The following PPP6R2 variants were observed in gnomAD, a reference collection of about 807,000 sequenced individuals.
PPP6R2 encodes the protein serine/threonine-protein phosphatase 6 regulatory subunit 2.
Under a neutral mutation model 100.2 loss-of-function variants are expected in PPP6R2, and 62 were observed. That is an observed-to-expected ratio of 0.62 (90% CI 0.50 to 0.76). PPP6R2 has a LOEUF of 0.76. Ranked by LOEUF, PPP6R2 falls within the 30% of genes least tolerant of loss-of-function variation. The pLI is 0.00. For missense variants in PPP6R2, 1,142 were observed against 1,276.3 expected (o/e 0.89, Z 1.60); for synonymous variants, 525 against 514.7 (o/e 1.02, Z -0.27).
intron 10 of PPP6R2, among the ~76,000 whole-genome samples, chr22:50,424,299 C>T (rs562260573): frequency 2.9e-4 from 44 of 151,116 alleles, no homozygotes; most frequent in Non-Finnish European, 4.9e-4. Context: ...GAACTGGGCT[C>T]GAAGTGCTGT....
chr22:50,429,185 C>G (rs1603378775), intron 10 of PPP6R2, among the ~76,000 whole-genome samples: 1 of 152,284 alleles, frequency 6.6e-6, no homozygotes, highest in South Asian at 2.1e-4. Flanking sequence ...CGTGTGCCAC[C>G]ATGCCCGGCT....
At chr22:50,341,844 T>C, upstream of PPP6R2, among the ~76,000 whole-genome samples, 1 of 151,842 alleles carries the variant, frequency 6.6e-6, no homozygotes, top group East Asian at 1.9e-4. Flanking sequence ...AATACAAAAA[T>C]TAGCCGGGCG....
intron 5 of PPP6R2, 78 bp downstream of exon 5, chr22:50,414,767 A>G (rs1246991128): frequency 8.6e-6 from 13 of 1,506,810 alleles, no homozygotes; most frequent in African/African-American, 4.2e-5. Flanking sequence ...AGGAGCTCAG[A>G]GCACCAGGGC....
chr22:50,437,484 T>TCCCCCCCCC, intron 15 of PPP6R2, 22 bp from the exon 16 acceptor site: 62 of 542,068 alleles, frequency 1.1e-4, no homozygotes, highest in South Asian at 1.9e-4. Flanking sequence ...TGTCCGTCCC[T>TCCCCCCCCC]CCCTCCCTCC....
At chr22:50,438,040 T>C in intron 17 of PPP6R2, 134 bp from the exon 18 acceptor site, 1 of 1,492,438 alleles carries the variant, frequency 6.7e-7, no homozygotes, top group Non-Finnish European at 9.1e-7. Flanking sequence ...TCGCTTTCCT[T>C]GCCCCTCCCC....
In PPP6R2 at chr22:50,431,096, G is replaced by A; in HGVS notation, c.1126-77G>A. 8.0e-7 allele frequency: 1 copy of A among 1,246,126 alleles called. No homozygotes were observed. Among genetic ancestry groups the A allele is most frequent in the Non-Finnish European group, 1.1e-6 (1 of 871,474 alleles). The allele number at this position is 1,246,126 out of a possible 1,614,324, so 77.2% of individuals were successfully genotyped here. On this transcript the variant is annotated intron_variant, in intron 10 of 23. Transcript: ENST00000612753. The surrounding 1 kb of genome is among the most constrained non-coding windows in gnomAD (Gnocchi z 4.8). The stretch of plus-strand genomic sequence containing the variant: ...GAGTTAGGACGCCACCTTTAGGAAG[G>A]GTTTCCCTCAGCTTTGTGGTGTAGC...
At chr22:50,440,188 G>T in intron 21 of PPP6R2, 139 bp downstream of exon 21, 1 of 807,618 alleles carries the variant, frequency 1.2e-6, no homozygotes, top group Non-Finnish European at 1.9e-6. Flanking sequence ...ATTGGGGTTT[G>T]ATACAGCAAT....
chr22:50,385,940 C>CA (rs2054158188), intron 2 of PPP6R2, among the ~76,000 whole-genome samples: 1 of 149,170 alleles, frequency 6.7e-6, no homozygotes, highest in African/African-American at 2.5e-5. Context: ...TCTCCTGCCT[C>CA]AGCCTCCCGA....
At chr22:50,438,965 C>T (rs1013354402) in intron 19 of PPP6R2, among the ~76,000 whole-genome samples, 3 of 152,214 alleles carry the variant, frequency 2.0e-5, no homozygotes, top group African/African-American at 7.2e-5. Flanking sequence ...CCTCCTGCCC[C>T]TGCCTTGCAG....
intron 1 of PPP6R2, among the ~76,000 whole-genome samples, chr22:50,362,141 C>T (rs530891341): frequency 6.6e-6 from 1 of 152,292 alleles, no homozygotes; most frequent in African/African-American, 2.4e-5. Flanking sequence ...GGGGAGGAGT[C>T]GGGGCTAGGG....
At chr22:50,432,737 A>G (rs2148143982) in intron 12 of PPP6R2, among the ~76,000 whole-genome samples, 2 of 152,284 alleles carry the variant, frequency 1.3e-5, no homozygotes, top group African/African-American at 4.8e-5. Flanking sequence ...TCTGGTCAGG[A>G]CACATGTCCC....
intron 10 of PPP6R2, among the ~76,000 whole-genome samples, chr22:50,429,865 G>A (rs889593438): frequency 6.6e-6 from 1 of 152,198 alleles, no homozygotes; most frequent in Admixed American, 6.5e-5. Context: ...AGGTCACATG[G>A]GCAGAGAAGG....
Position 50,383,520 on chromosome 22 carries a change from C to T in PPP6R2, c.-16-10373C>T, listed in dbSNP as rs893834185. Among the ~76,000 whole-genome samples, 14 of 152,238 alleles carry T rather than the reference C, an allele frequency of 9.2e-5. No individual in the cohort carries two copies. In the East Asian group the frequency reaches 2.1e-3, roughly 23 times the overall value. On this transcript the variant is annotated intron_variant, in intron 2 of 23. Coordinates refer to ENST00000612753, the MANE Select transcript of PPP6R2 (RefSeq NM_001242898.2). ...TTGGTAGGCGGTGGCCAGGAAGGAACGCCAGGTAGCATTAAGCCTTGGCCC... is the reference window on the plus strand; with the variant it reads ...TTGGTAGGCGGTGGCCAGGAAGGAATGCCAGGTAGCATTAAGCCTTGGCCC...
chr22:50,338,142 GTGTGTGTGGTA>G, the PPP6R2 span, among the ~76,000 whole-genome samples: 6 of 144,364 alleles, frequency 4.2e-5, no homozygotes, highest in African/African-American at 7.7e-5. Context: ...TGTGTATGTA[GTGTGTGTGGTA>G]TGTGTGTGCG....
chr22:50,390,830 C>G (rs2055337224), intron 2 of PPP6R2, among the ~76,000 whole-genome samples: 1 of 151,048 alleles, frequency 6.6e-6, no homozygotes, highest in African/African-American at 2.4e-5. Flanking sequence ...AAAACCCCAT[C>G]TCTACTAAAA....
chr22:50,439,399 A>T (rs1262096643), intron 19 of PPP6R2, among the ~76,000 whole-genome samples: 1 of 152,072 alleles, frequency 6.6e-6, no homozygotes, highest in Non-Finnish European at 1.5e-5. Flanking sequence ...CCTGGGTAGG[A>T]CAGGGCAGTG....
At chr22:50,369,810 A>G (rs942523994) in intron 1 of PPP6R2, among the ~76,000 whole-genome samples, 4 of 148,368 alleles carry the variant, frequency 2.7e-5, no homozygotes, top group Non-Finnish European at 5.9e-5. Flanking sequence ...CTGACCTTTC[A>G]CTGCAGCCTC....
rs370674634 is a variant in PPP6R2, at chr22:50,444,201, A to C, written c.2834A>C (p.Lys945Thr). 1 of 1,612,874 alleles carries C rather than the reference A, an allele frequency of 6.2e-7. No homozygotes were observed. The highest frequency in any genetic ancestry group is 8.5e-7 in the Non-Finnish European group (1 of 1,179,816). ...ATLGTVTKDG[K>T]TDAPPEGAAL... Reference sequence around the variant, plus strand: ...CCAACCCCACCCCATTCCTGCAGGAAGACAGATGCCCCGCCAGAAGGAGCT... The same window carrying C: ...CCAACCCCACCCCATTCCTGCAGGACGACAGATGCCCCGCCAGAAGGAGCT... Residue 945 changes from lysine to threonine, a missense_variant and splice_region_variant, in exon 24 of 24, where the codon AAG (lysine) becomes ACG (threonine). Lys to Thr is a moderately conservative substitution (Grantham distance 78). Coordinates refer to ENST00000612753, the MANE Select transcript of PPP6R2 (RefSeq NM_001242898.2).
intron 1 of PPP6R2, among the ~76,000 whole-genome samples, chr22:50,367,801 TA>T (rs1229745996): frequency 6.6e-6 from 1 of 151,980 alleles, no homozygotes; most frequent in African/African-American, 2.4e-5. Context: ...ATCGTAGAAA[TA>T]AAGACATAAA....
Sources: allele counts gnomAD v4.1 joint callset (sites outside exome capture counted in the v4.1 genomes callset), GRCh38; gene constraint gnomAD v4.1.1; non-coding constraint Gnocchi (gnomAD v3.1); transcripts MANE v1.5; gene names NCBI Gene and HGNC (gene_info 2026-07-23, HGNC 2026-07-21).